The following PTPRN2 variants were observed in gnomAD, a reference collection of about 807,000 sequenced individuals.
The protein encoded by PTPRN2 is receptor-type tyrosine-protein phosphatase N2.
Under a neutral mutation model 118.8 loss-of-function variants are expected in PTPRN2, and 74 were observed. That is an observed-to-expected ratio of 0.62 (90% CI 0.52 to 0.76). The LOEUF is 0.76. Ranked by LOEUF, PTPRN2 falls within the 30% of genes least tolerant of loss-of-function variation. The pLI, the probability that PTPRN2 is intolerant of heterozygous loss-of-function variation, is 0.00. For synonymous variants in PTPRN2, 641 were observed against 608.0 expected (o/e 1.05, Z -0.80); for missense variants, 1,481 against 1,394.4 (o/e 1.06, Z -0.99).
intron 11 of PTPRN2, among the ~76,000 whole-genome samples, chr7:158,066,671 G>A (rs977380686): frequency 1.3e-5 from 2 of 152,100 alleles, no homozygotes; most frequent in African/African-American, 4.8e-5. Flanking sequence ...CCTGAGTTGT[G>A]GTGACTCTCA....
rs1435545548 is a variant in PTPRN2, at chr7:157,861,795, G to A, written c.1788+36878C>T. On this transcript the variant is annotated intron_variant, in intron 12 of 22. Coordinates refer to ENST00000389418, the MANE Select transcript of PTPRN2 (RefSeq NM_002847.5). This position sits in a 1 kb window ranked among gnomAD's most constrained non-coding sequence, Gnocchi z 5.8. ...CTCCTGCCTCCGAGCCACGCAGACG[G>A]CTTCCCTCTGCATGCCGGAGTCTGT... Among the ~76,000 whole-genome samples the A allele has an allele frequency of 1.3e-5, 2 of 152,236 alleles. No homozygotes were observed. The highest frequency in any genetic ancestry group is 2.9e-5 in the Non-Finnish European group (2 of 68,042).
At chr7:157,885,975 G>A (rs1563208079) in intron 12 of PTPRN2, among the ~76,000 whole-genome samples, 1 of 152,256 alleles carries the variant, frequency 6.6e-6, no homozygotes, top group Non-Finnish European at 1.5e-5. Context: ...CCACTGTGCT[G>A]CTGCCGTTCT....
chr7:157,885,089 A>C (rs1796375869), intron 12 of PTPRN2, among the ~76,000 whole-genome samples: 1 of 152,168 alleles, frequency 6.6e-6, no homozygotes, highest in Non-Finnish European at 1.5e-5. Context: ...GAACAGAGAC[A>C]CTACTTTTTC....
chr7:157,878,799 C>T (rs1482964775), intron 12 of PTPRN2, among the ~76,000 whole-genome samples: 2 of 75,060 alleles, frequency 2.7e-5, no homozygotes, highest in Non-Finnish European at 5.2e-5. Context: ...CTCTCGGATT[C>T]CGTGGGGCTG....
chr7:158,147,718 C>A (rs1007146164), intron 6 of PTPRN2, among the ~76,000 whole-genome samples: 405 of 91,218 alleles, frequency 4.4e-3, no homozygotes, highest in Non-Finnish European at 6.0e-3. Context: ...CCCTCACTGA[C>A]ACCCCATCTC....
At chr7:157,966,837 CCA>C (rs2128813415) in intron 11 of PTPRN2, among the ~76,000 whole-genome samples, 1 of 152,118 alleles carries the variant, frequency 6.6e-6, no homozygotes, top group South Asian at 2.1e-4. Context: ...ACCATTATCA[CCA>C]TCATCACAAT....
intron 2 of PTPRN2, among the ~76,000 whole-genome samples, chr7:158,404,102 A>G (rs1017328236): frequency 6.6e-6 from 1 of 152,198 alleles, no homozygotes; most frequent in African/African-American, 2.4e-5. Flanking sequence ...TTTCTATAAT[A>G]AAAGGTATCG....
chr7:158,129,493 CA>C (rs141396324), intron 9 of PTPRN2, among the ~76,000 whole-genome samples: 2,803 of 79,092 alleles, frequency 0.035, 70 homozygotes, highest in African/African-American at 0.08. Flanking sequence ...ACAGCACACA[CA>C]CACACCATGC....
In PTPRN2 at chr7:158,330,974, C is replaced by T. The variant is rs565014524; in HGVS notation, c.164-14042G>A. Among the ~76,000 whole-genome samples, 84 of 124,400 alleles carry T rather than the reference C, an allele frequency of 6.8e-4. 4 individuals carry two copies. Among genetic ancestry groups the T allele is most frequent in the Non-Finnish European group, 1.1e-3 (64 of 60,300 alleles). The allele number at this position is 124,400 out of a possible 152,430, so 81.6% of individuals were successfully genotyped here. ...CTGTCACACGCAGACGACACTCACA[C>T]CCACACTCTCACCATAAGAGCTGAC... On this transcript the variant is annotated intron_variant, in intron 2 of 22. Coordinates refer to ENST00000389418, the MANE Select transcript of PTPRN2 (RefSeq NM_002847.5).
chr7:158,404,603 C>A (rs1813206241), intron 2 of PTPRN2, among the ~76,000 whole-genome samples: 1 of 152,098 alleles, frequency 6.6e-6, no homozygotes, highest in Admixed American at 6.5e-5. Flanking sequence ...ACTCGGGAGT[C>A]CTGTGCCAGA....
chr7:157,658,524 C>T (rs1037184559), intron 13 of PTPRN2, among the ~76,000 whole-genome samples: 4 of 152,282 alleles, frequency 2.6e-5, no homozygotes, highest in East Asian at 1.9e-4. Flanking sequence ...GTGGGCATCC[C>T]GAGCACCTGC....
At chr7:158,083,844 G>A (rs1191351322) in intron 10 of PTPRN2, among the ~76,000 whole-genome samples, 1 of 149,024 alleles carries the variant, frequency 6.7e-6, no homozygotes, top group Admixed American at 6.7e-5. Context: ...GGAACCCTGT[G>A]GGAGGACGGG....
At chr7:157,957,481 A>ACG (rs1801258092) in intron 11 of PTPRN2, among the ~76,000 whole-genome samples, 1 of 151,980 alleles carries the variant, frequency 6.6e-6, no homozygotes, top group Non-Finnish European at 1.5e-5. Flanking sequence ...TGGTACACAC[A>ACG]ACAGATACAA....
intron 13 of PTPRN2, among the ~76,000 whole-genome samples, chr7:157,680,515 T>C (rs58288045): frequency 6.5e-4 from 99 of 152,340 alleles, no homozygotes; most frequent in African/African-American, 2.3e-3. Context: ...TAACCGCAAT[T>C]GTCTGAGTCC....
At chr7:158,155,748 C>T (rs200841862) in intron 6 of PTPRN2, among the ~76,000 whole-genome samples, 96 of 18,650 alleles carry the variant, frequency 5.1e-3, no homozygotes, top group Middle Eastern at 0.038. Flanking sequence ...ACCATCATCA[C>T]CATCACCATC....
chr7:158,078,781 T>C (rs969238094), intron 11 of PTPRN2, among the ~76,000 whole-genome samples: 1 of 152,246 alleles, frequency 6.6e-6, no homozygotes, highest in African/African-American at 2.4e-5. Context: ...CATGGGCATG[T>C]CCACTGCCTA....
intron 1 of PTPRN2, among the ~76,000 whole-genome samples, chr7:158,512,574 ACAC>A (rs1259023179): frequency 5.3e-5 from 8 of 152,126 alleles, no homozygotes; most frequent in Non-Finnish European, 1.0e-4. Context: ...ACACACACAC[ACAC>A]ATCTTCTCGC....
intron 2 of PTPRN2, among the ~76,000 whole-genome samples, chr7:158,345,688 A>G (rs1017098842): frequency 6.6e-6 from 1 of 152,206 alleles, no homozygotes; most frequent in African/African-American, 2.4e-5. Context: ...ATAATTTACA[A>G]TTGTATATAT....
intron 21 of PTPRN2, among the ~76,000 whole-genome samples, chr7:157,552,708 A>G (rs1397443718): frequency 6.6e-6 from 1 of 152,242 alleles, no homozygotes; most frequent in Non-Finnish European, 1.5e-5. Flanking sequence ...AAGGTGAGTT[A>G]AAGGCAGGAG....
Sources: gnomAD v4.1 joint callset for allele counts (sites outside exome capture counted in the v4.1 genomes callset) on GRCh38, gnomAD v4.1.1 for gene constraint, Gnocchi (gnomAD v3.1) non-coding constraint, MANE v1.5 for transcripts, NCBI Gene and HGNC (gene_info 2026-07-23, HGNC 2026-07-21) for gene names.